The following TMTC4 variants were observed in gnomAD, a reference collection of about 807,000 sequenced individuals.
The protein encoded by TMTC4 is protein O-mannosyl-transferase TMTC4.
A neutral mutation model predicts 86.0 loss-of-function variants in TMTC4; 65 were observed. That is an observed-to-expected ratio of 0.76 (90% CI 0.62 to 0.93). The LOEUF (loss-of-function observed/expected upper bound fraction) is 0.93, where lower values mean the gene tolerates loss of function less well. Ranked by LOEUF, TMTC4 falls within the 40% of genes least tolerant of loss-of-function variation. The probability of loss-of-function intolerance (pLI) is 0.00; values close to 1 mark genes in which losing one functional copy is unlikely to be tolerated. For missense variants in TMTC4, 866 were observed against 948.1 expected (o/e 0.91, Z 1.14); for synonymous variants, 379 against 382.5 (o/e 0.99, Z 0.11).
chr13:100,645,873 C>T (rs1883667655), intron 6 of TMTC4, among the ~76,000 whole-genome samples: 1 of 152,118 alleles, frequency 6.6e-6, no homozygotes, highest in South Asian at 2.1e-4. Context: ...GAATGTTTAG[C>T]AGTACCCTCA....
intron 14 of TMTC4, 31 bp downstream of exon 14, chr13:100,625,753 GT>G (rs1413330333): frequency 1.9e-6 from 3 of 1,609,886 alleles, no homozygotes; most frequent in African/African-American, 2.7e-5. Flanking sequence ...TCCTTTCTTT[GT>G]CACTAGCATA....
chr13:100,658,108 G>A (rs771939208), intron 5 of TMTC4, among the ~76,000 whole-genome samples: 5 of 152,152 alleles, frequency 3.3e-5, no homozygotes, highest in Admixed American at 6.5e-5. Context: ...AAATGAATAT[G>A]CAATGAGCGC....
intron 15 of TMTC4, among the ~76,000 whole-genome samples, chr13:100,620,760 T>C (rs1045065501): frequency 3.9e-5 from 6 of 152,208 alleles, no homozygotes; most frequent in Admixed American, 1.3e-4. Context: ...CTGCCTTATA[T>C]TCTCTCCATA....
chr13:100,656,235 A>G, intron 6 of TMTC4, 146 bp downstream of exon 6: 1 of 599,932 alleles, frequency 1.7e-6, no homozygotes, highest in South Asian at 2.5e-5. Context: ...ATACATATCT[A>G]AAGAGAGTTT....
At chr13:100,621,633 G>A (rs1231058456) in intron 15 of TMTC4, among the ~76,000 whole-genome samples, 1 of 152,122 alleles carries the variant, frequency 6.6e-6, no homozygotes, top group East Asian at 1.9e-4. Flanking sequence ...CACCATGTTA[G>A]CCAGGATGGT....
rs781435102 is a variant in TMTC4, at chr13:100,637,637, AG to A, written c.899del (p.Ala300ValfsTer33). 3.7e-6 allele frequency: 6 copies of A among 1,614,162 alleles called. No homozygotes were observed. The highest frequency in any genetic ancestry group is 5.1e-6 in the Non-Finnish European group (6 of 1,180,024). On this transcript the variant is annotated frameshift_variant, in exon 9 of 19. Transcript: ENST00000342624. LOFTEE classifies it high-confidence loss of function. ...FRMTLLTSGG[A>X]GMLYVRWRIM... ...TCCTCCAGCGCACGTAGAGCATCCC[AG>A]CCCCTCCAGAGGTGAGCAGGGTCAT...
chr13:100,615,204 C>T (rs1878282378), intron 15 of TMTC4, among the ~76,000 whole-genome samples: 1 of 152,010 alleles, frequency 6.6e-6, no homozygotes, highest in Admixed American at 6.6e-5. Flanking sequence ...ATGGCGCGAT[C>T]TCGGCTCACT....
intron 6 of TMTC4, among the ~76,000 whole-genome samples, chr13:100,644,385 G>C (rs1186186404): frequency 1.3e-5 from 2 of 152,126 alleles, no homozygotes; most frequent in Non-Finnish European, 2.9e-5. Flanking sequence ...TTACAGGCGT[G>C]AGTTATTGCG....
At chr13:100,669,222 GAGGGTCGTGTGTA>G (rs1886771387) in intron 2 of TMTC4, among the ~76,000 whole-genome samples, 2 of 152,096 alleles carry the variant, frequency 1.3e-5, no homozygotes. Flanking sequence ...TGGCAGGGGA[GAGGGTCGTGTGTA>G]AAACACAACC....
At chr13:100,607,651 G>A (rs923087311) in intron 17 of TMTC4, among the ~76,000 whole-genome samples, 1 of 149,816 alleles carries the variant, frequency 6.7e-6, no homozygotes, top group African/African-American at 2.5e-5. Flanking sequence ...CTGTGACTGT[G>A]CATTTTATAA....
At chr13:100,632,905 T>C (rs1594290157) in intron 12 of TMTC4, among the ~76,000 whole-genome samples, 2 of 152,196 alleles carry the variant, frequency 1.3e-5, no homozygotes, top group East Asian at 1.9e-4. Context: ...TATTTCATGA[T>C]AATAATCTAT....
intron 13 of TMTC4, 47 bp from the exon 14 acceptor site, chr13:100,625,939 A>T (rs1341522687): frequency 6.3e-7 from 1 of 1,599,446 alleles, no homozygotes; most frequent in Admixed American, 1.7e-5. Context: ...GCTCAATAGT[A>T]AGTTTTTACT....
chr13:100,669,677 G>C (rs1886837025), intron 2 of TMTC4, among the ~76,000 whole-genome samples: 1 of 152,112 alleles, frequency 6.6e-6, no homozygotes, highest in Non-Finnish European at 1.5e-5. Flanking sequence ...GCGGCCCTCT[G>C]CAAAGCATCT....
Position 100,641,051 on chromosome 13 carries a change from C to A in TMTC4, c.741+1160G>T, listed in dbSNP as rs185213963. Among the ~76,000 whole-genome samples the A allele has an allele frequency of 1.3e-3, 200 of 148,926 alleles. 4 individuals are homozygous for A. In the South Asian group the frequency reaches 0.015, roughly 11 times the overall value. ...TTCCGCTTCAGAGAGCCCTCCCCCA[C>A]CCCCCTGACACTGCCGGTGGAAGCC... is the stretch of plus-strand genomic sequence containing the variant. On this transcript the variant is annotated intron_variant, in intron 7 of 18. Coordinates refer to ENST00000342624, the MANE Select transcript of TMTC4 (RefSeq NM_032813.5).
At chr13:100,666,218 C>T (rs2031421473) in intron 3 of TMTC4, 3 of 349,788 alleles carry the variant, frequency 8.6e-6, no homozygotes, top group South Asian at 6.8e-5. Context: ...TCTCAAGGAA[C>T]AAAAAAGGCA....
Position 100,614,417 on chromosome 13 carries a change from T to C in TMTC4, c.1850A>G (p.Asn617Ser), listed in dbSNP as rs767185745. The C allele has an allele frequency of 7.6e-5, 122 of 1,613,160 alleles. No homozygotes were observed. The highest frequency in any genetic ancestry group is 6.2e-4 in the Admixed American group (37 of 59,918). Residue 617 changes from asparagine (N) to serine (S), a missense_variant, in exon 16 of 19, where the codon AAT (asparagine) becomes AGT (serine). Asn to Ser is a conservative substitution (Grantham distance 46). Transcript: ENST00000342624. ...YNLGRLYADLNRHVDALNAWR... is the reference protein window; with the variant it reads ...YNLGRLYADLSRHVDALNAWR... ...CGCATTCAAGGCATCCACGTGGCGA[T>C]TGAGATCTGCATACTGAAAATAAAA...
At chr13:100,644,225 T>C (rs2138924922) in intron 6 of TMTC4, among the ~76,000 whole-genome samples, 1 of 151,232 alleles carries the variant, frequency 6.6e-6, no homozygotes, top group Middle Eastern at 3.4e-3. Flanking sequence ...TGCCTCAGGC[T>C]CCCGAGTAGC....
In TMTC4 at chr13:100,635,205, G is replaced by A. The variant is rs761073167; in HGVS notation, c.1203-10C>T. The A allele has an allele frequency of 6.4e-7, 1 of 1,561,640 alleles. No individual in the cohort carries two copies. The highest frequency in any genetic ancestry group is 1.2e-5 in the South Asian group (1 of 83,326). The stretch of plus-strand genomic sequence containing the variant: ...GCCCAGAGTAAGGATCCTGGATGAT[G>A]AAAAGTATTTAAATAAATGGCTATT... On this transcript the variant is annotated splice_polypyrimidine_tract_variant and intron_variant, in intron 10 of 18. Transcript: ENST00000342624.
intron 6 of TMTC4, among the ~76,000 whole-genome samples, chr13:100,647,410 T>C (rs1883900193): frequency 6.6e-6 from 1 of 152,040 alleles, no homozygotes; most frequent in South Asian, 2.1e-4. Context: ...ATGGACACCC[T>C]CCACCCCACC....
Sources: allele counts gnomAD v4.1 joint callset (sites outside exome capture counted in the v4.1 genomes callset), GRCh38; gene constraint gnomAD v4.1.1; transcripts MANE v1.5; gene names NCBI Gene and HGNC (gene_info 2026-07-23, HGNC 2026-07-21).